PAPPA: variants seen among roughly 807,000 people sequenced by gnomAD.
PAPPA encodes the protein pappalysin-1.
Under a neutral mutation model 164.0 loss-of-function variants are expected in PAPPA, and 60 were observed. The observed-to-expected ratio is 0.37, with a 90% confidence interval of 0.30 to 0.45. The LOEUF is 0.45. Ranked by LOEUF, PAPPA falls within the 20% of genes least tolerant of loss-of-function variation. The probability of loss-of-function intolerance (pLI) is 1.00; values close to 1 mark genes in which losing one functional copy is unlikely to be tolerated. For synonymous variants in PAPPA, 875 were observed against 814.1 expected, an observed-to-expected ratio of 1.07 and a Z score of -1.27; for missense variants, 1,782 against 2,087.3, an observed-to-expected ratio of 0.85 and a Z score of 2.85.
chr9:116,358,426 T>G (rs889072643), intron 17 of PAPPA, among the ~76,000 whole-genome samples: 3 of 152,238 alleles, frequency 2.0e-5, no homozygotes, highest in African/African-American at 7.2e-5. Context: ...TGCCAGCCAC[T>G]GAGATGAGCA....
intron 4 of PAPPA, 69 bp downstream of exon 4, chr9:116,212,001 G>T: frequency 7.1e-7 from 1 of 1,414,062 alleles, no homozygotes; most frequent in Non-Finnish European, 9.8e-7. Flanking sequence ...CTGGCTCAGG[G>T]GAACCTTGAA....
At chr9:116,177,559 T>G (rs1440463627) in intron 1 of PAPPA, among the ~76,000 whole-genome samples, 1 of 152,214 alleles carries the variant, frequency 6.6e-6, no homozygotes, top group African/African-American at 2.4e-5. Flanking sequence ...GCCCTGACTC[T>G]GCCTAATTCA....
chr9:116,228,266 C>A lies in PAPPA; in HGVS notation c.2233+714C>A, dbSNP rs903689404. 7.2e-5 allele frequency among the ~76,000 whole-genome samples: 11 copies of A among 152,306 alleles called. No individual in the cohort carries two copies. The East Asian group carries it at 2.1e-3, about 29-fold the overall frequency. On this transcript the variant is annotated intron_variant, in intron 6 of 21. Coordinates refer to ENST00000328252, the MANE Select transcript of PAPPA (RefSeq NM_002581.5). ...GGCCTCAGAACCAGGCTGGCAGAGG[C>A]TCCATACTTTCCTCTTAGTCTTTCA...
At chr9:116,210,801 C>A (rs983401857) in intron 3 of PAPPA, among the ~76,000 whole-genome samples, 3 of 152,092 alleles carry the variant, frequency 2.0e-5, no homozygotes, top group Non-Finnish European at 4.4e-5. Context: ...TGGGGTGAGG[C>A]CCGAGATTCT....
chr9:116,168,745 T>C (rs117183450), intron 1 of PAPPA, among the ~76,000 whole-genome samples: 4,118 of 152,292 alleles, frequency 0.027, 72 homozygotes, highest in African/African-American at 0.058. Context: ...GAGTATGGTG[T>C]TAGGAAATTA....
chr9:116,390,442 T>A (rs1299299036), intron 21 of PAPPA, among the ~76,000 whole-genome samples: 1 of 152,132 alleles, frequency 6.6e-6, no homozygotes, highest in African/African-American at 2.4e-5. Flanking sequence ...TAAGCCTAGA[T>A]GGATAAGCAA....
chr9:116,291,771 T>A (rs182436361), intron 9 of PAPPA, among the ~76,000 whole-genome samples: 130 of 152,090 alleles, frequency 8.5e-4, no homozygotes, highest in Middle Eastern at 3.4e-3. Flanking sequence ...TCTATTAAAC[T>A]TGTGTTGGTT....
At chr9:116,384,399 G>A (rs1249552804) in intron 21 of PAPPA, among the ~76,000 whole-genome samples, 2 of 151,828 alleles carry the variant, frequency 1.3e-5, no homozygotes, top group Non-Finnish European at 2.9e-5. Context: ...AGGCTGCAAT[G>A]AGCCATGATC....
intron 2 of PAPPA, among the ~76,000 whole-genome samples, chr9:116,203,935 G>A (rs1403039701): frequency 6.6e-6 from 1 of 152,212 alleles, no homozygotes; most frequent in Non-Finnish European, 1.5e-5. Context: ...AGAAAACCAA[G>A]AGAACTTGAG....
At chr9:116,231,660 C>CGGAT (rs199915317) in intron 6 of PAPPA, among the ~76,000 whole-genome samples, 88 of 143,290 alleles carry the variant, frequency 6.1e-4, no homozygotes, top group Admixed American at 9.3e-4. Flanking sequence ...AATGAATGGG[C>CGGAT]GGATGGATGG....
rs778292403 is a variant in PAPPA at position 116,304,681 on chromosome 9, G to C, written c.3147+1731G>C. Among the ~76,000 whole-genome samples, 33 of 152,064 alleles carry C rather than the reference G, an allele frequency of 2.2e-4. 2 individuals are homozygous for C. Among genetic ancestry groups the C allele is most frequent in the Non-Finnish European group, 1.5e-4 (10 of 68,018 alleles). ...GGGGCAATTATTCCAATCTTGTAAG[G>C]GGGGGCTGTCAGGAATTACTGGTGA... On this transcript the variant is annotated intron_variant, in intron 10 of 21. Transcript: ENST00000328252.
At chr9:116,241,424 A>G (rs1035600800) in intron 7 of PAPPA, among the ~76,000 whole-genome samples, 1 of 152,170 alleles carries the variant, frequency 6.6e-6, no homozygotes, top group Non-Finnish European at 1.5e-5. Context: ...TTGAACAGAA[A>G]CCAGAAGTGT....
At chr9:116,305,490 C>T (rs372969635) in intron 10 of PAPPA, among the ~76,000 whole-genome samples, 1 of 142,330 alleles carries the variant, frequency 7.0e-6, no homozygotes, top group East Asian at 2.1e-4. Context: ...CACACACACA[C>T]ATACATACAC....
At chr9:116,181,746 T>A (rs1009473183) in intron 1 of PAPPA, among the ~76,000 whole-genome samples, 1 of 152,250 alleles carries the variant, frequency 6.6e-6, no homozygotes, top group Non-Finnish European at 1.5e-5. Flanking sequence ...GAAATCCAGA[T>A]GTCGAAGGAC....
At chr9:116,269,088 GATA>G (rs1372252237) in intron 8 of PAPPA, among the ~76,000 whole-genome samples, 1 of 152,124 alleles carries the variant, frequency 6.6e-6, no homozygotes, top group Non-Finnish European at 1.5e-5. Context: ...TGAACGTTTT[GATA>G]ATGACAATAA....
intron 1 of PAPPA, among the ~76,000 whole-genome samples, chr9:116,184,989 G>A (rs956527269): frequency 2.6e-5 from 4 of 152,154 alleles, no homozygotes; most frequent in African/African-American, 9.7e-5. Flanking sequence ...CTCCAAAACC[G>A]AAGAGCACAT....
intron 20 of PAPPA, among the ~76,000 whole-genome samples, chr9:116,379,089 G>C (rs916333631): frequency 6.6e-6 from 1 of 152,154 alleles, no homozygotes; most frequent in Non-Finnish European, 1.5e-5. Flanking sequence ...TGGCGGTCTG[G>C]GCAACCAGTG....
chr9:116,312,288 C>CTTTTTTTTTTTTTTTTTT (rs5900201), intron 10 of PAPPA, among the ~76,000 whole-genome samples: 44 of 129,592 alleles, frequency 3.4e-4, no homozygotes, highest in Admixed American at 4.0e-4. Flanking sequence ...TTCTTTCTTT[C>CTTTTTTTTTTTTTTTTTT]TTTTTTTTTT....
chr9:116,182,195 T>C (rs1461864960), intron 1 of PAPPA, among the ~76,000 whole-genome samples: 3 of 152,182 alleles, frequency 2.0e-5, no homozygotes, highest in Non-Finnish European at 4.4e-5. Flanking sequence ...TTAAGCAAGA[T>C]AATTAACGTA....
Sources: gnomAD v4.1 joint callset for allele counts (sites outside exome capture counted in the v4.1 genomes callset) on GRCh38, gnomAD v4.1.1 for gene constraint, MANE v1.5 for transcripts, NCBI Gene and HGNC (gene_info 2026-07-23, HGNC 2026-07-21) for gene names.